Variants in SYNPR observed in about 807,000 individuals in gnomAD.
SYNPR encodes synaptoporin.
A neutral mutation model predicts 32.9 loss-of-function variants in SYNPR; 23 were observed. The observed-to-expected ratio is 0.70, with a 90% CI of 0.50 to 0.99. SYNPR has a LOEUF of 0.99. Among genes scored for constraint, SYNPR ranks in the 50% least tolerant of loss-of-function variants. The pLI is 0.00. For synonymous variants in SYNPR, 146 were observed against 135.9 expected, an observed-to-expected ratio of 1.07 and a Z score of -0.52; for missense variants, 318 against 349.3, an observed-to-expected ratio of 0.91 and a Z score of 0.71.
At chr3:63,268,560 ATAT>A (rs2062944295) in intron 3 of SYNPR, among the ~76,000 whole-genome samples, 1 of 152,210 alleles carries the variant, frequency 6.6e-6, no homozygotes, top group African/African-American at 2.4e-5. Flanking sequence ...AGAAAGGAAA[ATAT>A]TATTAAGAAA....
At chr3:63,449,364 G>C (rs1378496424) in intron 2 of SYNPR, among the ~76,000 whole-genome samples, 1 of 152,106 alleles carries the variant, frequency 6.6e-6, no homozygotes, top group East Asian at 1.9e-4. Flanking sequence ...TGAATTCATG[G>C]AACTTCTAAT....
chr3:63,443,416 AG>A, intron 2 of SYNPR: 2 of 1,602,158 alleles, frequency 1.2e-6, no homozygotes, highest in South Asian at 1.1e-5. Context: ...CTTTCAGGAG[AG>A]GGAAGTTGGA....
At chr3:63,248,057 G>A (rs1483149582) in intron 1 of SYNPR, among the ~76,000 whole-genome samples, 1 of 152,122 alleles carries the variant, frequency 6.6e-6, no homozygotes, top group Non-Finnish European at 1.5e-5. Flanking sequence ...ACTGCCCAGG[G>A]GAAAGGTGAT....
intron 2 of SYNPR, among the ~76,000 whole-genome samples, chr3:63,446,435 A>G (rs1700277946): frequency 6.6e-6 from 1 of 152,164 alleles, no homozygotes; most frequent in African/African-American, 2.4e-5. Context: ...CAAAGACGAA[A>G]TTCAGAGTCC....
At chr3:63,231,494 G>A (rs2086166429) in intron 1 of SYNPR, among the ~76,000 whole-genome samples, 1 of 152,030 alleles carries the variant, frequency 6.6e-6, no homozygotes, top group Non-Finnish European at 1.5e-5. Flanking sequence ...TTTAAAAAGG[G>A]GGAAATATTC....
At chr3:63,402,382 A>G (rs760551940) in intron 2 of SYNPR, among the ~76,000 whole-genome samples, 21 of 152,166 alleles carry the variant, frequency 1.4e-4, no homozygotes, top group Non-Finnish European at 2.8e-4. Flanking sequence ...CACTGCTCTA[A>G]ATGATAAAAA....
At chr3:63,388,581 T>TGG (rs2088088401) in intron 2 of SYNPR, among the ~76,000 whole-genome samples, 1 of 150,396 alleles carries the variant, frequency 6.6e-6, no homozygotes, top group African/African-American at 2.4e-5. Context: ...TGTGTGTGTG[T>TGG]GTGTGTGTGT....
intron 2 of SYNPR, among the ~76,000 whole-genome samples, chr3:63,435,663 C>A (rs1441157721): frequency 6.6e-6 from 1 of 152,180 alleles, no homozygotes; most frequent in Non-Finnish European, 1.5e-5. Context: ...GCTTAAAAAA[C>A]TAAGCTATTA....
chr3:63,589,213 A>T (rs1703259933), intron 4 of SYNPR, among the ~76,000 whole-genome samples: 1 of 152,100 alleles, frequency 6.6e-6, no homozygotes. Context: ...CCTGGATGCA[A>T]CCAGATCTGT....
At chr3:63,446,413 T>C (rs960312157) in intron 2 of SYNPR, among the ~76,000 whole-genome samples, 2 of 152,090 alleles carry the variant, frequency 1.3e-5, no homozygotes, top group African/African-American at 4.8e-5. Flanking sequence ...ATAAGCATGC[T>C]GAGAAGCGTG....
chr3:63,269,214 T>C (rs2086514144), intron 3 of SYNPR, among the ~76,000 whole-genome samples: 1 of 152,156 alleles, frequency 6.6e-6, no homozygotes, highest in Non-Finnish European at 1.5e-5. Flanking sequence ...CCAGGCCAAG[T>C]GCAGTGGCTC....
chr3:63,345,765 C>T (rs1901302), intron 2 of SYNPR, among the ~76,000 whole-genome samples: 107,993 of 151,958 alleles, frequency 0.71, 39,103 homozygotes, highest in Non-Finnish European at 0.79. Flanking sequence ...AAGATGCATA[C>T]CCTAAAATAA....
chr3:63,391,459 T>C (rs2088136074), intron 2 of SYNPR, among the ~76,000 whole-genome samples: 2 of 152,212 alleles, frequency 1.3e-5, no homozygotes, highest in Non-Finnish European at 2.9e-5. Context: ...TTTCTGAATG[T>C]CATTTGTGTC....
chr3:63,392,374 AG>A (rs1381788625), intron 2 of SYNPR, among the ~76,000 whole-genome samples: 1 of 152,242 alleles, frequency 6.6e-6, no homozygotes, highest in African/African-American at 2.4e-5. Context: ...TGCCAAAAAA[AG>A]GAATGACCAT....
At chr3:63,580,854 G>A (rs535672001) in intron 4 of SYNPR, among the ~76,000 whole-genome samples, 14 of 152,262 alleles carry the variant, frequency 9.2e-5, no homozygotes, top group Middle Eastern at 6.8e-3. Flanking sequence ...CATATATTGT[G>A]TATTTACCAT....
intron 2 of SYNPR, among the ~76,000 whole-genome samples, chr3:63,359,203 G>C (rs2087625323): frequency 6.6e-6 from 1 of 152,108 alleles, no homozygotes; most frequent in East Asian, 1.9e-4. Context: ...CCTAAGGGGA[G>C]GCTGACCTTA....
At chr3:63,504,597 T>C (rs899766823) in intron 3 of SYNPR, among the ~76,000 whole-genome samples, 4 of 152,144 alleles carry the variant, frequency 2.6e-5, no homozygotes, top group African/African-American at 7.2e-5. Context: ...TAAAATGCTA[T>C]GCATTTACAC....
chr3:63,296,916 G>A (rs2086796006), intron 2 of SYNPR, among the ~76,000 whole-genome samples: 1 of 152,098 alleles, frequency 6.6e-6, no homozygotes, highest in Admixed American at 6.6e-5. Flanking sequence ...CAAAACCATA[G>A]CCACTCACTA....
intron 4 of SYNPR, among the ~76,000 whole-genome samples, chr3:63,587,052 G>C (rs145222420): frequency 2.3e-4 from 35 of 152,052 alleles, no homozygotes; most frequent in Non-Finnish European, 4.4e-4. Context: ...ACTTTAGGTT[G>C]GAAAAGTTTG....
Sources: gnomAD v4.1 joint callset for allele counts (sites outside exome capture counted in the v4.1 genomes callset) on GRCh38, gnomAD v4.1.1 for gene constraint, MANE v1.5 for transcripts, NCBI Gene and HGNC (gene_info 2026-07-23, HGNC 2026-07-21) for gene names.